The following EYA4 variants were observed in gnomAD, a reference collection of about 807,000 sequenced individuals.
EYA4 encodes the protein protein phosphatase EYA4.
Under a neutral mutation model 87.9 loss-of-function variants are expected in EYA4, and 31 were observed. That is an observed-to-expected ratio of 0.35 (90% CI 0.27 to 0.48). The LOEUF is 0.48. Ranked by LOEUF, EYA4 falls within the 20% of genes least tolerant of loss-of-function variation. EYA4 has a pLI of 0.99. For missense variants in EYA4, 678 were observed against 761.4 expected (o/e 0.89, Z 1.29); for synonymous variants, 263 against 270.6 (o/e 0.97, Z 0.28).
At chr6:133,248,171 C>G (rs1264050274) in intron 1 of EYA4, 1 of 152,176 alleles carries the variant, frequency 6.6e-6, no homozygotes, top group African/African-American at 2.4e-5. Flanking sequence ...AACATCTTTC[C>G]TCCTTTAAAG....
chr6:133,502,831 G>A (rs1326310216), intron 13 of EYA4, among the ~76,000 whole-genome samples: 40 of 152,090 alleles, frequency 2.6e-4, no homozygotes, highest in Admixed American at 2.6e-3. Context: ...ACTTTGGCAT[G>A]GCTGATGAAA....
chr6:133,256,784 G>A (rs962628180), intron 1 of EYA4, among the ~76,000 whole-genome samples: 3 of 152,028 alleles, frequency 2.0e-5, no homozygotes, highest in East Asian at 3.9e-4. Context: ...TTTGTTGTTC[G>A]ATTTTTATAT....
chr6:133,506,686 T>C (rs941980787), intron 14 of EYA4, among the ~76,000 whole-genome samples: 1 of 152,220 alleles, frequency 6.6e-6, no homozygotes, highest in African/African-American at 2.4e-5. Flanking sequence ...ATTTGATGCA[T>C]TTAAATGCAT....
chr6:133,503,674 A>G (rs1471078666), intron 13 of EYA4, among the ~76,000 whole-genome samples: 1 of 152,192 alleles, frequency 6.6e-6, no homozygotes, highest in Admixed American at 6.5e-5. Flanking sequence ...GTTTCATAGA[A>G]TATCCTCAGC....
intron 2 of EYA4, among the ~76,000 whole-genome samples, chr6:133,285,151 C>T (rs891213145): frequency 2.7e-5 from 4 of 150,556 alleles, no homozygotes; most frequent in Admixed American, 7.0e-5. Flanking sequence ...CACCCGCCAC[C>T]ACGCCCGGCT....
intron 3 of EYA4, among the ~76,000 whole-genome samples, chr6:133,422,091 G>C (rs1562401413): frequency 1.3e-5 from 2 of 152,138 alleles, no homozygotes; most frequent in Admixed American, 6.5e-5. Context: ...GACAACAGCA[G>C]AGACAAATAC....
At chr6:133,292,142 T>G (rs1161862726) in intron 2 of EYA4, among the ~76,000 whole-genome samples, 1 of 152,172 alleles carries the variant, frequency 6.6e-6, no homozygotes, top group Non-Finnish European at 1.5e-5. Flanking sequence ...CACTGGACAT[T>G]TATATGGAAC....
At chr6:133,434,123 A>ATGGACTGAG (rs1253779402) in intron 3 of EYA4, among the ~76,000 whole-genome samples, 9 of 152,190 alleles carry the variant, frequency 5.9e-5, no homozygotes, top group Admixed American at 2.0e-4. Flanking sequence ...AGAGTTTGAG[A>ATGGACTGAG]TGGACTGAGT....
At chr6:133,498,143 A>G (rs1797789464) in intron 13 of EYA4, among the ~76,000 whole-genome samples, 2 of 152,184 alleles carry the variant, frequency 1.3e-5, no homozygotes, top group Non-Finnish European at 2.9e-5. Flanking sequence ...ACTAAAGAAA[A>G]CCAACATGGT....
chr6:133,400,485 G>T (rs1788167046), intron 3 of EYA4, among the ~76,000 whole-genome samples: 1 of 147,904 alleles, frequency 6.8e-6, no homozygotes, highest in Admixed American at 6.8e-5. Context: ...TCTAGCTTGG[G>T]TGACAAAGCA....
chr6:133,495,564 A>G (rs1412041104), intron 13 of EYA4, among the ~76,000 whole-genome samples: 3 of 152,032 alleles, frequency 2.0e-5, no homozygotes, highest in African/African-American at 4.8e-5. Flanking sequence ...TTCTGGTTGC[A>G]GTGAGAAGCT....
chr6:133,442,370 T>A (rs1340975823), intron 3 of EYA4, among the ~76,000 whole-genome samples: 1 of 152,218 alleles, frequency 6.6e-6, no homozygotes, highest in Non-Finnish European at 1.5e-5. Flanking sequence ...TGAGCTTAAC[T>A]GGAGCTAGAC....
chr6:133,240,768 TC>T (rs1402645916), upstream of EYA4: 3 of 152,230 alleles, frequency 2.0e-5, no homozygotes, highest in Non-Finnish European at 2.9e-5. Flanking sequence ...AGCGCCCCAG[TC>T]TGGTCTGGGT....
intron 5 of EYA4, among the ~76,000 whole-genome samples, chr6:133,456,338 AAAAGCTGG>A (rs1562442542): frequency 6.6e-6 from 1 of 152,158 alleles, no homozygotes; most frequent in Non-Finnish European, 1.5e-5. Context: ...GACTGCCTTT[AAAAGCTGG>A]ATTTGAGAGA....
At chr6:133,438,354 A>G (rs968750745) in intron 3 of EYA4, among the ~76,000 whole-genome samples, 2 of 149,120 alleles carry the variant, frequency 1.3e-5, no homozygotes, top group Non-Finnish European at 3.0e-5. Flanking sequence ...GCTCCGTTCT[A>G]TGGTGTGTGC....
intron 2 of EYA4, among the ~76,000 whole-genome samples, chr6:133,344,095 A>T (rs969800617): frequency 6.6e-6 from 1 of 151,562 alleles, no homozygotes; most frequent in Non-Finnish European, 1.5e-5. Flanking sequence ...ATGAGTGAAG[A>T]TGGAGACAGC....
chr6:133,372,927 C>T (rs946868738), intron 2 of EYA4, among the ~76,000 whole-genome samples: 2 of 151,750 alleles, frequency 1.3e-5, no homozygotes, highest in Non-Finnish European at 1.5e-5. Flanking sequence ...TTTATATATA[C>T]TTTTAAAATG....
At chr6:133,474,897 A>G (rs1251310134) in intron 11 of EYA4, among the ~76,000 whole-genome samples, 1 of 152,142 alleles carries the variant, frequency 6.6e-6, no homozygotes, top group Non-Finnish European at 1.5e-5. Context: ...GCTGAATTCT[A>G]CTTTTATAAT....
chr6:133,516,544 C>T (rs1449157158), intron 17 of EYA4, among the ~76,000 whole-genome samples: 2 of 149,644 alleles, frequency 1.3e-5, no homozygotes, highest in African/African-American at 4.9e-5. Flanking sequence ...AACCCCATCT[C>T]TACTAAAAAT....
Sources: gnomAD v4.1 joint callset for allele counts (sites outside exome capture counted in the v4.1 genomes callset) on GRCh38, gnomAD v4.1.1 for gene constraint, MANE v1.5 for transcripts, NCBI Gene and HGNC (gene_info 2026-07-23, HGNC 2026-07-21) for gene names.